The following KCNC1 variants were observed in gnomAD, a reference collection of about 807,000 sequenced individuals.
KCNC1 encodes the protein potassium voltage-gated channel subfamily C member 1.
KCNC1 carries 8 observed loss-of-function variants against 43.4 expected under a neutral mutation model. The ratio of observed to expected loss-of-function variants is 0.18; its 90% CI spans 0.11 to 0.33. KCNC1 has a LOEUF of 0.33. KCNC1 is among the 10% of genes least tolerant of loss of function. The probability of loss-of-function intolerance (pLI) is 1.00; values close to 1 mark genes in which losing one functional copy is unlikely to be tolerated. For missense variants in KCNC1, 420 were observed against 836.0 expected (o/e 0.50, Z 6.14); for synonymous variants, 361 against 360.5 (o/e 1.00, Z -0.01).
rs35211986 is a variant in KCNC1, at chr11:17,739,362, C to CGTGT, written c.570+2824_570+2827dup. 7.8e-4 allele frequency among the ~76,000 whole-genome samples: 117 copies of CGTGT among 149,472 alleles called. No homozygotes were observed. The highest frequency in any genetic ancestry group is 4.6e-3 in the East Asian group (23 of 5,022). Reference sequence around the variant, plus strand: ...GTGAGAATAAATGTGAGACTCCAGGCGTGTGTGTGTGTGTGTGTGTGTGTG... The same window carrying CGTGT: ...GTGAGAATAAATGTGAGACTCCAGGCGTGTGTGTGTGTGTGTGTGTGTGTGTGTG... On this transcript the variant is annotated intron_variant, in intron 1 of 3. Transcript: ENST00000265969. This position sits in a 1 kb window ranked among gnomAD's most constrained non-coding sequence, Gnocchi z 4.2.
chr11:17,772,833 TG>T, intron 2 of KCNC1: 1 of 1,404,112 alleles, frequency 7.1e-7, no homozygotes, highest in Non-Finnish European at 9.2e-7. Context: ...TTGACGCGGT[TG>T]GTCTCGTGAT....
At chr11:17,774,896 C>T in intron 2 of KCNC1, 1 of 985,476 alleles carries the variant, frequency 1.0e-6, no homozygotes, top group African/African-American at 1.7e-5. Context: ...CATCCCTCAC[C>T]AGAACACTTC....
chr11:17,771,575 C>A lies in KCNC1; in HGVS notation c.571-90C>A. 8.7e-7 allele frequency: 1 copy of A among 1,144,116 alleles called. No homozygotes were observed. 70.9% of individuals were successfully genotyped at this position (1,144,116 alleles called of 1,614,324 possible). On this transcript the variant is annotated intron_variant, in intron 1 of 3. Transcript: ENST00000265969. The surrounding 1 kb of genome is among the most constrained non-coding windows in gnomAD (Gnocchi z 4.7). ...CAGGGGGCCTGGTGCTGGCATCTCC[C>A]CCCGCCTGGCCCTGGGACTGGACAG... is the stretch of plus-strand genomic sequence containing the variant.
chr11:17,736,410 C>G lies in KCNC1; in HGVS notation c.408C>G (p.Ala136=). Residue 136 remains alanine, a synonymous_variant, in exon 1 of 4, where the codon GCC becomes GCG. Transcript: ENST00000265969. The surrounding 1 kb of genome is among the most constrained non-coding windows in gnomAD (Gnocchi z 9.3). Reference sequence around the variant, plus strand: ...ACAACAGCGCCGACGACGCGGACGCCGACGGCCCTGGCGACTCGGGCGACG... The same window carrying G: ...ACAACAGCGCCGACGACGCGGACGCGGACGGCCCTGGCGACTCGGGCGACG... ...PLDNSADDAD[A]DGPGDSGDGE... 6.2e-7 allele frequency: 1 copy of G among 1,608,916 alleles called. No homozygotes were observed. The highest frequency in any genetic ancestry group is 2.2e-5 in the East Asian group (1 of 44,734).
intron 1 of KCNC1, among the ~76,000 whole-genome samples, chr11:17,767,291 AAAAAAAAAAG>A (rs1426513049): frequency 2.2e-4 from 34 of 151,112 alleles, no homozygotes; most frequent in African/African-American, 6.4e-4. Context: ...TCTCAAAAAA[AAAAAAAAAAG>A]AAAAGAAAAG....
chr11:17,743,102 A>G (rs951127009), intron 1 of KCNC1, among the ~76,000 whole-genome samples: 9 of 152,154 alleles, frequency 5.9e-5, no homozygotes, highest in Non-Finnish European at 1.2e-4. Flanking sequence ...CTTGATTTAT[A>G]TATCCTCATT....
chr11:17,738,925 G>A (rs527729039), intron 1 of KCNC1, among the ~76,000 whole-genome samples: 11 of 152,300 alleles, frequency 7.2e-5, no homozygotes, highest in South Asian at 2.1e-4. Context: ...CAGCTCCCTC[G>A]GGGAACAGTT....
intron 1 of KCNC1, among the ~76,000 whole-genome samples, chr11:17,737,531 G>A (rs1848782534): frequency 6.6e-6 from 1 of 152,124 alleles, no homozygotes; most frequent in Non-Finnish European, 1.5e-5. Flanking sequence ...TTCCTTATCT[G>A]TAAAATGGGG....
In KCNC1 at chr11:17,779,469, T is replaced by C. The variant is rs747283873; in HGVS notation, c.1518T>C (p.Asn506=). The C allele has an allele frequency of 4.1e-5, 64 of 1,547,708 alleles. No individual in the cohort carries two copies. The highest frequency in any genetic ancestry group is 5.2e-5 in the Non-Finnish European group (60 of 1,145,528). ...LEINRADSKL[N]GEVAKAALAN... is the part of the protein sequence containing the mutation. ...ATATGTTTGAAGATTCCAAACTGAA[T>C]GGGGAGGTGGCGAAGGCCGCGCTGG... The change falls in exon 3 of 4, where the codon AAT becomes AAC. Residue 506 remains asparagine, a synonymous_variant. Coordinates refer to ENST00000265969, the MANE Select transcript of KCNC1 (RefSeq NM_001112741.2). This position sits in a 1 kb window ranked among gnomAD's most constrained non-coding sequence, Gnocchi z 7.2.
rs1408553884 is a variant in KCNC1 at position 17,771,513 on chromosome 11, C to T, written c.571-152C>T. ...AGCCTGCCCTGACGGTCGTGCAGGC[C>T]CCCTGTGCCCTGAGGAGGGAAATGT... On this transcript the variant is annotated intron_variant, in intron 1 of 3. Transcript: ENST00000265969. This position sits in a 1 kb window ranked among gnomAD's most constrained non-coding sequence, Gnocchi z 4.7. The T allele has an allele frequency of 4.3e-6, 3 of 694,488 alleles. No homozygotes were observed. The East Asian group carries it at 7.6e-5, about 18-fold the overall frequency. 43.0% of individuals were successfully genotyped at this position (694,488 alleles called of 1,614,324 possible).
chr11:17,738,987 C>G (rs1848801666), intron 1 of KCNC1, among the ~76,000 whole-genome samples: 1 of 152,232 alleles, frequency 6.6e-6, no homozygotes, highest in Admixed American at 6.5e-5. Flanking sequence ...CACTCGGGAG[C>G]TGAGGAGGGC....
intron 1 of KCNC1, among the ~76,000 whole-genome samples, chr11:17,767,723 G>A (rs1001753343): frequency 2.0e-5 from 3 of 152,186 alleles, no homozygotes; most frequent in Non-Finnish European, 2.9e-5. Context: ...CCTCACAGTA[G>A]CAGAGGACAG....
chr11:17,760,701 C>T (rs1849067734), intron 1 of KCNC1, among the ~76,000 whole-genome samples: 1 of 152,208 alleles, frequency 6.6e-6, no homozygotes, highest in Non-Finnish European at 1.5e-5. Context: ...GACCTCTGCA[C>T]GCGCTGCCTG....
chr11:17,770,880 C>T (rs1468267260), intron 1 of KCNC1, among the ~76,000 whole-genome samples: 1 of 152,120 alleles, frequency 6.6e-6, no homozygotes, highest in Non-Finnish European at 1.5e-5. Flanking sequence ...CTTTGGGGAT[C>T]CCTGGTGCAA....
intron 3 of KCNC1, chr11:17,780,368 T>C (rs951580724): frequency 1.3e-5 from 2 of 152,566 alleles, no homozygotes; most frequent in African/African-American, 4.8e-5. Flanking sequence ...TCCAGGTCTC[T>C]TTGTAGTCAG....
rs1295745271 is a variant in KCNC1 at position 17,736,428 on chromosome 11, GGGCGAC to G, written c.432_437del (p.Asp144_Gly145del). 1 of 1,607,064 alleles carries G rather than the reference GGGCGAC, an allele frequency of 6.2e-7. No homozygotes were observed. The highest frequency in any genetic ancestry group is 1.1e-5 in the South Asian group (1 of 90,714). Reference sequence around the variant, plus strand: ...CGGACGCCGACGGCCCTGGCGACTCGGGCGACGGCGAGGACGAGCTGGAGATGACCA... The same window carrying G: ...CGGACGCCGACGGCCCTGGCGACTCGGGCGAGGACGAGCTGGAGATGACCA... On this transcript the variant is annotated inframe_deletion, in exon 1 of 4. Transcript: ENST00000265969. This position sits in a 1 kb window ranked among gnomAD's most constrained non-coding sequence, Gnocchi z 9.3.
intron 1 of KCNC1, among the ~76,000 whole-genome samples, chr11:17,768,048 A>G (rs561379441): frequency 1.3e-5 from 2 of 152,314 alleles, no homozygotes; most frequent in South Asian, 4.1e-4. Flanking sequence ...CTCCTGGGAC[A>G]TCAGTGCCCT....
At chr11:17,754,024 G>A (rs554199388) in intron 1 of KCNC1, among the ~76,000 whole-genome samples, 12 of 152,200 alleles carry the variant, frequency 7.9e-5, no homozygotes, top group Non-Finnish European at 1.5e-4. Flanking sequence ...GACCTTGTGC[G>A]CACTCTCCAT....
intron 1 of KCNC1, among the ~76,000 whole-genome samples, chr11:17,754,555 G>C (rs1177266142): frequency 6.6e-6 from 1 of 152,226 alleles, no homozygotes; most frequent in Non-Finnish European, 1.5e-5. Context: ...TATGCAACTA[G>C]AGGGAGTGAG....
Sources: gnomAD v4.1 joint callset for allele counts (sites outside exome capture counted in the v4.1 genomes callset) on GRCh38, gnomAD v4.1.1 for gene constraint, Gnocchi (gnomAD v3.1) non-coding constraint, MANE v1.5 for transcripts, NCBI Gene and HGNC (gene_info 2026-07-23, HGNC 2026-07-21) for gene names.